Variants in SCYL3 observed in about 807,000 individuals in gnomAD.
The protein encoded by SCYL3 is SCY1 like pseudokinase 3.
SCYL3 carries 35 observed loss-of-function variants against 73.8 expected under a neutral mutation model. The observed-to-expected ratio is 0.47, with a 90% CI of 0.36 to 0.63. The LOEUF is 0.63. Ranked by LOEUF, SCYL3 falls within the 20% of genes least tolerant of loss-of-function variation. The probability of loss-of-function intolerance (pLI) is 0.00; values close to 1 mark genes in which losing one functional copy is unlikely to be tolerated. For missense variants in SCYL3, 712 were observed against 798.9 expected, an observed-to-expected ratio of 0.89 and a Z score of 1.31; for synonymous variants, 277 against 295.2, an observed-to-expected ratio of 0.94 and a Z score of 0.63.
rs1571374388 is a variant in SCYL3 at position 169,854,467 on chromosome 1, C to G, written c.1810G>C (p.Glu604Gln). 6.2e-7 allele frequency: 1 copy of G among 1,613,944 alleles called. No individual in the cohort carries two copies. The highest frequency in any genetic ancestry group is 1.3e-5 in the African/African-American group (1 of 74,890). Residue 604 changes from glutamate (E) to glutamine (Q), a missense_variant, in exon 12 of 13, where the codon GAA becomes CAA. Transcript: ENST00000367771. ...TTCTTTTTTACTTGAATGGTGAATTCCTCTCCTAAACCAAGTTCTGATGGA... is the reference window on the plus strand; with the variant it reads ...TTCTTTTTTACTTGAATGGTGAATTGCTCTCCTAAACCAAGTTCTGATGGA... ...KVPSELGLGE[E>Q]FTIQVKKKPV...
intron 10 of SCYL3, among the ~76,000 whole-genome samples, chr1:169,861,102 A>C (rs992127415): frequency 6.6e-6 from 1 of 152,178 alleles, no homozygotes; most frequent in African/African-American, 2.4e-5. Flanking sequence ...ACAGGGTAAC[A>C]ATTACTGCTG....
In SCYL3 at chr1:169,849,849, T is replaced by C; in HGVS notation, c.*3864A>G. On this transcript the variant is annotated 3_prime_UTR_variant, in exon 13 of 13. Coordinates refer to ENST00000367771, the MANE Select transcript of SCYL3 (RefSeq NM_020423.7). Reference sequence around the variant, plus strand: ...CAGGCATACACAGCAGGCCTACTGATACAGACAGACACAGACACAGTCTTC... The same window carrying C: ...CAGGCATACACAGCAGGCCTACTGACACAGACAGACACAGACACAGTCTTC... 7.8e-6 allele frequency: 4 copies of C among 516,084 alleles called. No individual in the cohort carries two copies. The Admixed American group carries it at 1.4e-4, about 18-fold the overall frequency. 32.0% of individuals were successfully genotyped at this position (516,084 alleles called of 1,614,324 possible). A position where few individuals can be genotyped will look rare whatever the true frequency, so the allele number is the denominator to read the frequency against.
At chr1:169,888,281 G>A (rs1661815341) in intron 2 of SCYL3, among the ~76,000 whole-genome samples, 1 of 152,196 alleles carries the variant, frequency 6.6e-6, no homozygotes, top group Non-Finnish European at 1.5e-5. Flanking sequence ...GAACTACAAG[G>A]ATCTTTTCCC....
At chr1:169,856,993 A>G (rs953885448) in intron 11 of SCYL3, among the ~76,000 whole-genome samples, 1 of 152,258 alleles carries the variant, frequency 6.6e-6, no homozygotes, top group East Asian at 1.9e-4. Flanking sequence ...CCAGAATTAC[A>G]TAACAAGTTC....
At chr1:169,881,759 A>G (rs541613997) in intron 2 of SCYL3, among the ~76,000 whole-genome samples, 1 of 152,330 alleles carries the variant, frequency 6.6e-6, no homozygotes, top group African/African-American at 2.4e-5. Context: ...ACCAGGGACC[A>G]GTTTCATGAA....
At chr1:169,859,284 T>C (rs902583189) in intron 10 of SCYL3, 72 bp from the exon 11 acceptor site, 17 of 1,418,578 alleles carry the variant, frequency 1.2e-5, no homozygotes, top group Middle Eastern at 3.6e-4. Flanking sequence ...AAATGAGCAA[T>C]TGGGCTGCAA....
Position 169,854,263 on chromosome 1 carries a change from T to TACTC in SCYL3, c.2007+3_2007+6dup. 6.3e-7 allele frequency: 1 copy of TACTC among 1,587,826 alleles called. No homozygotes were observed. Among genetic ancestry groups the TACTC allele is most frequent in the Admixed American group, 1.8e-5 (1 of 56,588 alleles). The stretch of plus-strand genomic sequence containing the variant: ...AGTAGCACAGTTTACTCCATAAAAG[T>TACTC]ACTCACCTCAGTAATTTCTGCTGCA... On this transcript the variant is annotated splice_region_variant and intron_variant, in intron 12 of 12. Coordinates refer to ENST00000367771, the MANE Select transcript of SCYL3 (RefSeq NM_020423.7).
chr1:169,854,113 A>AAGAT lies in SCYL3; in HGVS notation c.2007+153_2007+156dup, dbSNP rs776422468. The AAGAT allele has an allele frequency of 4.3e-4, 269 of 624,624 alleles. 2 individuals are homozygous for AAGAT. Among genetic ancestry groups the AAGAT allele is most frequent in the South Asian group, 2.8e-3 (124 of 44,520 alleles). The allele number at this position is 624,624 out of a possible 1,614,324, so 38.7% of individuals were successfully genotyped here. On this transcript the variant is annotated intron_variant, in intron 12 of 12. Transcript: ENST00000367771. ...TTGCTACATTTTTCTGGGGGAAGGA[A>AAGAT]AGATAGATACCAATGATAGAAACTG...
chr1:169,864,538 C>A (rs1449977237), intron 8 of SCYL3, 30 bp from the exon 9 acceptor site: 2 of 1,559,068 alleles, frequency 1.3e-6, no homozygotes, highest in Non-Finnish European at 8.6e-7. Context: ...GCCCAGGAAA[C>A]TGGTCATGAC....
chr1:169,854,093 A>G, intron 12 of SCYL3, 177 bp downstream of exon 12: 1 of 602,824 alleles, frequency 1.7e-6, no homozygotes, highest in Non-Finnish European at 2.8e-6. Context: ...AAGCATTGCT[A>G]CATTTTTCTG....
In SCYL3 at chr1:169,851,001, T is replaced by A. The variant is rs1658143650; in HGVS notation, c.*2712A>T. 3.7e-5 allele frequency: 2 copies of A among 54,264 alleles called. No individual in the cohort carries two copies. The highest frequency in any genetic ancestry group is 7.5e-5 in the African/African-American group (1 of 13,364). The allele number at this position is 54,264 out of a possible 1,614,324, so 3.4% of individuals were successfully genotyped here. Reference sequence around the variant, plus strand: ...ATGGCTTTTTTTTTTTTTTTTTTTTTTTTTTATTTGGGCAGCCTCCCAAGC... The same window carrying A: ...ATGGCTTTTTTTTTTTTTTTTTTTTATTTTTATTTGGGCAGCCTCCCAAGC... On this transcript the variant is annotated 3_prime_UTR_variant, in exon 13 of 13. Coordinates refer to ENST00000367771, the MANE Select transcript of SCYL3 (RefSeq NM_020423.7).
intron 11 of SCYL3, among the ~76,000 whole-genome samples, chr1:169,857,501 C>G (rs558047923): frequency 6.6e-6 from 1 of 152,158 alleles, no homozygotes; most frequent in African/African-American, 2.4e-5. Flanking sequence ...TGGAAAGATA[C>G]ACGTGTAAAG....
At chr1:169,887,932 AG>A (rs1661798253) in intron 2 of SCYL3, among the ~76,000 whole-genome samples, 1 of 152,248 alleles carries the variant, frequency 6.6e-6, no homozygotes, top group Admixed American at 6.5e-5. Context: ...AAGGTAATAG[AG>A]ATTATAATTC....
intron 5 of SCYL3, among the ~76,000 whole-genome samples, chr1:169,873,282 C>T (rs1222093467): frequency 1.3e-5 from 2 of 152,236 alleles, no homozygotes; most frequent in South Asian, 4.1e-4. Flanking sequence ...TTGTCTGCTG[C>T]CATGTGAGAA....
chr1:169,874,947 C>T (rs867069160), intron 4 of SCYL3, among the ~76,000 whole-genome samples: 1 of 152,194 alleles, frequency 6.6e-6, no homozygotes, highest in South Asian at 2.1e-4. Context: ...CCAGAAAAAC[C>T]TAAATGGTAA....
intron 1 of SCYL3, among the ~76,000 whole-genome samples, chr1:169,891,421 G>T (rs930898093): frequency 5.3e-5 from 8 of 152,116 alleles, no homozygotes; most frequent in Admixed American, 2.0e-4. Context: ...CAGGTAACTT[G>T]AATGGGTCTA....
chr1:169,880,598 CA>C (rs76593745), intron 2 of SCYL3, among the ~76,000 whole-genome samples: 18,767 of 86,892 alleles, frequency 0.22, 3,694 homozygotes, highest in Middle Eastern at 0.4. Context: ...CTTTTGGTGA[CA>C]AAAAAAAAAA....
chr1:169,875,368 A>G (rs1429426690), intron 4 of SCYL3, among the ~76,000 whole-genome samples: 4 of 152,196 alleles, frequency 2.6e-5, no homozygotes, highest in Non-Finnish European at 5.9e-5. Flanking sequence ...CAGAAAACAG[A>G]AAGGTTCATC....
chr1:169,852,058 A>G lies in SCYL3; in HGVS notation c.*1655T>C, dbSNP rs779107129. 2.9e-6 allele frequency: 4 copies of G among 1,368,896 alleles called. No individual in the cohort carries two copies. In the Admixed American group the frequency reaches 7.6e-5, roughly 26 times the overall value. The allele number at this position is 1,368,896 out of a possible 1,614,324, so 84.8% of individuals were successfully genotyped here. A position where few individuals can be genotyped will look rare whatever the true frequency, so the allele number is the denominator to read the frequency against. ...GCTGAATTTCAAATCAAATAGATCT[A>G]GACATGTAAAATTCTGTTTTATGGT... On this transcript the variant is annotated 3_prime_UTR_variant, in exon 13 of 13. Transcript: ENST00000367771.
Sources: gnomAD v4.1 joint callset for allele counts (sites outside exome capture counted in the v4.1 genomes callset) on GRCh38, gnomAD v4.1.1 for gene constraint, MANE v1.5 for transcripts, NCBI Gene and HGNC (gene_info 2026-07-23, HGNC 2026-07-21) for gene names.